The following SOX10 variants were observed in gnomAD, a reference collection of about 807,000 sequenced individuals.
SOX10 encodes the protein SRY-box transcription factor 10, also known as transcription factor SOX-10.
Under a neutral mutation model 35.0 loss-of-function variants are expected in SOX10, and 3 were observed. The observed-to-expected ratio is 0.09, with a 90% CI of 0.04 to 0.22. The LOEUF (loss-of-function observed/expected upper bound fraction) is 0.22. SOX10 is among the 10% of genes least tolerant of loss of function. The probability of loss-of-function intolerance (pLI) is 1.00; values close to 1 mark genes in which losing one functional copy is unlikely to be tolerated. For synonymous variants in SOX10, 285 were observed against 291.0 expected (o/e 0.98, Z 0.21); for missense variants, 436 against 655.1 (o/e 0.67, Z 3.65).
intron 2 of SOX10, among the ~76,000 whole-genome samples, chr22:37,982,950 C>T (rs1932446745): frequency 6.6e-6 from 1 of 152,228 alleles, no homozygotes; most frequent in African/African-American, 2.4e-5. Context: ...TTCCCTGAAT[C>T]TCCAGCCAAC....
At chr22:37,981,787 A>T (rs1932405109) in intron 2 of SOX10, among the ~76,000 whole-genome samples, 1 of 151,698 alleles carries the variant, frequency 6.6e-6, no homozygotes, top group Admixed American at 6.6e-5. Context: ...GCTAGCTGTG[A>T]CCTCTGCTCT....
intron 2 of SOX10, among the ~76,000 whole-genome samples, chr22:37,982,842 T>C (rs1213145790): frequency 1.3e-5 from 2 of 152,094 alleles, no homozygotes; most frequent in Non-Finnish European, 2.9e-5. Flanking sequence ...AGCAGCAGAT[T>C]TGTCCCGCAG....
intron 2 of SOX10, among the ~76,000 whole-genome samples, chr22:37,982,742 C>A (rs772451452): frequency 6.6e-5 from 10 of 152,024 alleles, no homozygotes; most frequent in Non-Finnish European, 1.2e-4. Context: ...TGTGTGTCCT[C>A]TCCCTAGGAG....
At position 37,974,806 on chromosome 22, in the gene SOX10, G is replaced by A. The variant is rs1275401660; in HGVS notation, c.698-608C>T. 1.3e-5 allele frequency among the ~76,000 whole-genome samples: 2 copies of A among 152,162 alleles called. No homozygotes were observed. Among genetic ancestry groups the A allele is most frequent in the Non-Finnish European group, 2.9e-5 (2 of 68,032 alleles). On this transcript the variant is annotated intron_variant, in intron 3 of 3. Coordinates refer to ENST00000396884, the MANE Select transcript of SOX10 (RefSeq NM_006941.4). This position sits in a 1 kb window ranked among gnomAD's most constrained non-coding sequence, Gnocchi z 5.4. ...TCATCAGCTTCTCTGCTGTCCAGGT[G>A]GTCTGGCCCAGCCTTTGCGCTCTGC... is the stretch of plus-strand genomic sequence containing the variant.
Position 37,980,337 on chromosome 22 carries a change from G to A in SOX10, c.429-2202C>T, listed in dbSNP as rs1025635976. On this transcript the variant is annotated intron_variant, in intron 2 of 3. Transcript: ENST00000396884. This position sits in a 1 kb window ranked among gnomAD's most constrained non-coding sequence, Gnocchi z 4.1. Reference sequence around the variant, plus strand: ...GATGGCTGGGGACATGGGACACAGAGCTCACTCTTTCACCTATCCTTCCCT... The same window carrying A: ...GATGGCTGGGGACATGGGACACAGAACTCACTCTTTCACCTATCCTTCCCT... 1.3e-5 allele frequency among the ~76,000 whole-genome samples: 2 copies of A among 152,120 alleles called. No individual in the cohort carries two copies. The highest frequency in any genetic ancestry group is 2.9e-5 in the Non-Finnish European group (2 of 68,002).
In SOX10 at chr22:37,980,738, G is replaced by C. The variant is rs1018761177; in HGVS notation, c.429-2603C>G. 3.9e-5 allele frequency among the ~76,000 whole-genome samples: 6 copies of C among 152,224 alleles called. No homozygotes were observed. The highest frequency in any genetic ancestry group is 1.4e-4 in the African/African-American group (6 of 41,452). ...AGCCCTCTTTCTCCCTGGTCTCCCA[G>C]GTTTGGAATGGGGGCAAGAAGAGGT... On this transcript the variant is annotated intron_variant, in intron 2 of 3. Coordinates refer to ENST00000396884, the MANE Select transcript of SOX10 (RefSeq NM_006941.4). This position sits in a 1 kb window ranked among gnomAD's most constrained non-coding sequence, Gnocchi z 4.1.
chr22:37,975,871 G>A (rs1485959657), intron 3 of SOX10, among the ~76,000 whole-genome samples: 4 of 152,102 alleles, frequency 2.6e-5, no homozygotes, highest in Admixed American at 1.3e-4. Flanking sequence ...TGGGATAGAC[G>A]GCCATGCCAC....
chr22:37,982,338 C>G (rs1462651661), intron 2 of SOX10, among the ~76,000 whole-genome samples: 2 of 152,186 alleles, frequency 1.3e-5, no homozygotes, highest in Admixed American at 6.5e-5. Context: ...GTGACTGCTA[C>G]CGGCTCACAT....
At chr22:37,979,290 G>T (rs1932320885) in intron 2 of SOX10, among the ~76,000 whole-genome samples, 1 of 151,516 alleles carries the variant, frequency 6.6e-6, no homozygotes, top group Non-Finnish European at 1.5e-5. Context: ...TAGAGACGAG[G>T]TTTCACCATA....
Position 37,972,733 on chromosome 22 carries a change from T to C in SOX10, c.*762A>G, listed in dbSNP as rs1239966548. ...AGCCCAGGGAGGGAGGCTCTGTGAA[T>C]TGTCTCTGATTCCTTTCCTGGAGCC... is the stretch of plus-strand genomic sequence containing the variant. On this transcript the variant is annotated 3_prime_UTR_variant, in exon 4 of 4. Coordinates refer to ENST00000396884, the MANE Select transcript of SOX10 (RefSeq NM_006941.4). 1.9e-5 allele frequency: 3 copies of C among 157,154 alleles called. No homozygotes were observed. Among genetic ancestry groups the C allele is most frequent in the African/African-American group, 4.8e-5 (2 of 41,442 alleles). 9.7% of individuals were successfully genotyped at this position (157,154 alleles called of 1,614,324 possible). A position where few individuals can be genotyped will look rare whatever the true frequency, so the allele number is the denominator to read the frequency against.
rs149435516 is a variant in SOX10, at chr22:37,983,767, G to A, written c.18C>T (p.Asp6=). 87,457 of 1,474,910 alleles carry A rather than the reference G, an allele frequency of 0.059. 2,830 individuals carry two copies. The highest frequency in any genetic ancestry group is 0.11 in the African/African-American group (7,410 of 67,984). The allele number at this position is 1,474,910 out of a possible 1,614,324, so 91.4% of individuals were successfully genotyped here. ...CGGGGCTCAGCTCCACCTCCGATAG[G>A]TCCTGCTCCTCCGCCATGTCGCCCC... is the stretch of plus-strand genomic sequence containing the variant. MAEEQ[D]LSEVELSPVG... Residue 6 remains aspartate, a synonymous_variant, in exon 2 of 4, where the codon GAC becomes GAT. Transcript: ENST00000396884. The surrounding 1 kb of genome is among the most constrained non-coding windows in gnomAD (Gnocchi z 9.5).
In SOX10 at chr22:37,983,734, C is replaced by A; in HGVS notation, c.51G>T (p.Ser17=). ...CCGGGGACAGGCAGCGGGGCTCCTC[C>A]GAGCCCACGGGGCTCAGCTCCACCT... The part of the protein sequence containing the change: ...LSEVELSPVG[S]EEPRCLSPGS... Residue 17 remains serine (S), a synonymous_variant, in exon 2 of 4, where the codon TCG becomes TCT. Transcript: ENST00000396884. This position sits in a 1 kb window ranked among gnomAD's most constrained non-coding sequence, Gnocchi z 9.5. 2 of 1,483,736 alleles carry A rather than the reference C, an allele frequency of 1.3e-6. No homozygotes were observed. The highest frequency in any genetic ancestry group is 1.3e-5 in the South Asian group (1 of 79,288). The allele number at this position is 1,483,736 out of a possible 1,614,324, so 91.9% of individuals were successfully genotyped here. A position where few individuals can be genotyped will look rare whatever the true frequency, so the allele number is the denominator to read the frequency against.
rs2145760615 is a variant in SOX10 at position 37,973,628 on chromosome 22, G to A, written c.1268C>T (p.Ser423Leu). 2 of 1,613,718 alleles carry A rather than the reference G, an allele frequency of 1.2e-6. No homozygotes were observed. Among genetic ancestry groups the A allele is most frequent in the South Asian group, 1.1e-5 (1 of 91,084 alleles). ...CGAGGGCCCCATATAGGAGAAGGCCGAGTAGAGGCCAGAGGCCTGGCCCGA... is the reference window on the plus strand; with the variant it reads ...CGAGGGCCCCATATAGGAGAAGGCCAAGTAGAGGCCAGAGGCCTGGCCCGA... Reference protein sequence around the residue: ...GHSGQASGLYSAFSYMGPSQR... With the variant: ...GHSGQASGLYLAFSYMGPSQR... Residue 423 changes from serine (S) to leucine (L), a missense_variant, in exon 4 of 4, where the codon TCG becomes TTG. Physicochemically the swap from Ser to Leu is moderately radical, Grantham distance 145. Around this residue, in one of 3 missense-constraint regions of SOX10, gnomAD observed 285 missense variants for 402.9 expected, o/e 0.71. Transcript: ENST00000396884.
intron 3 of SOX10, among the ~76,000 whole-genome samples, chr22:37,976,945 T>C (rs1256976829): frequency 2.0e-5 from 3 of 151,794 alleles, no homozygotes; most frequent in East Asian, 1.9e-4. Context: ...GGCGGGCAGA[T>C]TGCCTGAGCT....
chr22:37,974,467 C>T lies in SOX10; in HGVS notation c.698-269G>A, dbSNP rs967924130. Among the ~76,000 whole-genome samples the T allele has an allele frequency of 3.9e-5, 6 of 151,978 alleles. No homozygotes were observed. Among genetic ancestry groups the T allele is most frequent in the African/African-American group, 1.5e-4 (6 of 41,344 alleles). On this transcript the variant is annotated intron_variant, in intron 3 of 3. Coordinates refer to ENST00000396884, the MANE Select transcript of SOX10 (RefSeq NM_006941.4). This position sits in a 1 kb window ranked among gnomAD's most constrained non-coding sequence, Gnocchi z 5.4. Reference sequence around the variant, plus strand: ...TCCTGGGTTCAAATGATTCTCCTGCCTCAGCCTCCTGAGTAGCTGGAATTA... The same window carrying T: ...TCCTGGGTTCAAATGATTCTCCTGCTTCAGCCTCCTGAGTAGCTGGAATTA...
rs2145768559 is a variant in SOX10 at position 37,978,088 on chromosome 22, C to T, written c.476G>A (p.Arg159Gln). 1 of 1,596,464 alleles carries T rather than the reference C, an allele frequency of 6.3e-7. No homozygotes were observed. The highest frequency in any genetic ancestry group is 8.5e-7 in the Non-Finnish European group (1 of 1,170,060). The change falls in exon 3 of 4, where the codon CGG (arginine) becomes CAG (glutamine). Residue 159 changes from arginine (R) to glutamine (Q), a missense_variant. Arg to Gln is a conservative substitution (Grantham distance 43). This residue lies in a region of SOX10 where 54 missense variants were observed against 156.7 expected (regional missense o/e 0.34). Transcript: ENST00000396884. This position sits in a 1 kb window ranked among gnomAD's most constrained non-coding sequence, Gnocchi z 5.0. ...GTCTTTCTTGTGCTGCATACGGAGC[C>T]GCTCAGCCTCCTCGATGAAGGGGCG... ...DKRPFIEEAE[R>Q]LRMQHKKDHP...
At position 37,983,714 on chromosome 22, in the gene SOX10, G is replaced by T. The variant is rs1339336077; in HGVS notation, c.71C>A (p.Ser24Tyr). 6.7e-7 allele frequency: 1 copy of T among 1,499,590 alleles called. No homozygotes were observed. Among genetic ancestry groups the T allele is most frequent in the Non-Finnish European group, 8.8e-7 (1 of 1,132,352 alleles). The allele number at this position is 1,499,590 out of a possible 1,614,324, so 92.9% of individuals were successfully genotyped here. Residue 24 changes from serine (S) to tyrosine (Y), a missense_variant, in exon 2 of 4, where the codon TCC becomes TAC. By Grantham distance (144) the Ser-to-Tyr change is moderately radical (BLOSUM62 -2). Coordinates refer to ENST00000396884, the MANE Select transcript of SOX10 (RefSeq NM_006941.4). The surrounding 1 kb of genome is among the most constrained non-coding windows in gnomAD (Gnocchi z 9.5). The part of the protein sequence containing the change: ...PVGSEEPRCL[S>Y]PGSAPSLGPD... ...CCCTAGCGAGGGCGCGCTCCCCGGG[G>T]ACAGGCAGCGGGGCTCCTCCGAGCC...
chr22:37,981,793 G>C (rs368392321), intron 2 of SOX10, among the ~76,000 whole-genome samples: 16 of 152,332 alleles, frequency 1.1e-4, no homozygotes, highest in African/African-American at 3.4e-4. Context: ...TGTGACCTCT[G>C]CTCTTGGGCA....
rs1057300975 is a variant in SOX10, at chr22:37,984,037, CTG to C, written c.-84-171_-84-170del. ...GACTCTAGGTGGGTGCGTCCCGCCT[CTG>C]TGTCTTCCCACCACCTGGTCCCAAC... is the stretch of plus-strand genomic sequence containing the variant. On this transcript the variant is annotated intron_variant, in intron 1 of 3. Transcript: ENST00000396884. This position sits in a 1 kb window ranked among gnomAD's most constrained non-coding sequence, Gnocchi z 4.4. Among the ~76,000 whole-genome samples the C allele has an allele frequency of 4.7e-4, 72 of 152,270 alleles. No individual in the cohort carries two copies. Among genetic ancestry groups the C allele is most frequent in the African/African-American group, 1.6e-3 (67 of 41,576 alleles).
Sources: gnomAD v4.1 joint callset for allele counts (sites outside exome capture counted in the v4.1 genomes callset) on GRCh38, gnomAD v4.1.1 for gene constraint, gnomAD v4.1.1 regional missense constraint, Gnocchi (gnomAD v3.1) non-coding constraint, MANE v1.5 for transcripts, NCBI Gene and HGNC (gene_info 2026-07-23, HGNC 2026-07-21) for gene names.